The following NECAB2 variants were observed in gnomAD, a reference collection of about 807,000 sequenced individuals.
The protein encoded by NECAB2 is N-terminal EF-hand calcium-binding protein 2.
Under a neutral mutation model 51.9 loss-of-function variants are expected in NECAB2, and 68 were observed. The ratio of observed to expected loss-of-function variants is 1.31; its 90% CI spans 1.08 to 1.60. NECAB2 has a LOEUF of 1.60. Ranked by LOEUF, NECAB2 falls within the 40% of genes most tolerant of loss-of-function variation. The probability of loss-of-function intolerance (pLI) is 0.00; values close to 1 mark genes in which losing one functional copy is unlikely to be tolerated. For missense variants in NECAB2, 854 were observed against 490.3 expected (o/e 1.74, Z -7.00); for synonymous variants, 329 against 203.5 (o/e 1.62, Z -5.25).
chr16:83,989,662 C>G (rs557302650), intron 5 of NECAB2, among the ~76,000 whole-genome samples: 1 of 152,102 alleles, frequency 6.6e-6, no homozygotes. Context: ...CGTCCTTGAG[C>G]GACGTGGGTA....
rs373452423 is a variant in NECAB2, at chr16:84,002,422, G to T, written c.*76G>T. On this transcript the variant is annotated 3_prime_UTR_variant, in exon 13 of 13. Transcript: ENST00000305202. ...AGGAAATCCCGTTTTTTTCTAGACA[G>T]ACACTTTGGTGCAGAAGCTTCTTTT... The T allele has an allele frequency of 2.8e-4, 426 of 1,532,490 alleles. 2 individuals are homozygous for T. The highest frequency in any genetic ancestry group is 1.9e-3 in the Middle Eastern group (11 of 5,896). 94.9% of individuals were successfully genotyped at this position (1,532,490 alleles called of 1,614,324 possible).
chr16:84,001,429 ATGAGAAG>A (rs1436899311), intron 11 of NECAB2, among the ~76,000 whole-genome samples: 3 of 152,140 alleles, frequency 2.0e-5, no homozygotes, highest in Non-Finnish European at 4.4e-5. Context: ...AGGGGCGGTC[ATGAGAAG>A]TGAGAGTGTC....
Position 83,989,170 on chromosome 16 carries a change from C to A in NECAB2, c.460-1324C>A, listed in dbSNP as rs536318093. On this transcript the variant is annotated intron_variant, in intron 5 of 12. Coordinates refer to ENST00000305202, the MANE Select transcript of NECAB2 (RefSeq NM_019065.3). ...GTCTTCATGTCCGTTTTTGGCCATT[C>A]GCGTGTCTGGAGTCTGTTGATCACT... is the stretch of plus-strand genomic sequence containing the variant. Among the ~76,000 whole-genome samples, 410 of 152,224 alleles carry A rather than the reference C, an allele frequency of 2.7e-3. 1 individual carries two copies. Among genetic ancestry groups the A allele is most frequent in the Non-Finnish European group, 3.4e-3 (233 of 68,022 alleles).
Position 84,002,063 on chromosome 16 carries a change from G to T in NECAB2, c.1132+147G>T, listed in dbSNP as rs1423074601. The T allele has an allele frequency of 1.7e-5, 18 of 1,059,236 alleles. No individual in the cohort carries two copies. The Admixed American group carries it at 3.5e-4, about 21-fold the overall frequency. The allele number at this position is 1,059,236 out of a possible 1,614,324, so 65.6% of individuals were successfully genotyped here. On this transcript the variant is annotated intron_variant, in intron 12 of 12. Coordinates refer to ENST00000305202, the MANE Select transcript of NECAB2 (RefSeq NM_019065.3). Reference sequence around the variant, plus strand: ...GCCACCAATGCCAGGCTCAGAGCCAGCCCTGAGGTGGCCCCACATACAGGT... The same window carrying T: ...GCCACCAATGCCAGGCTCAGAGCCATCCCTGAGGTGGCCCCACATACAGGT...
At position 83,997,237 on chromosome 16, in the gene NECAB2, C is replaced by T. The variant is rs755589299; in HGVS notation, c.817C>T (p.Gln273Ter). The T allele has an allele frequency of 3.1e-6, 5 of 1,614,164 alleles. No homozygotes were observed. The highest frequency in any genetic ancestry group is 4.2e-6 in the Non-Finnish European group (5 of 1,180,028). The change falls in exon 9 of 13, where the codon CAG becomes TAG. Residue 273 changes from glutamine (Q) to a stop codon, truncating the protein, a stop_gained. Coordinates refer to ENST00000305202, the MANE Select transcript of NECAB2 (RefSeq NM_019065.3). LOFTEE classifies it high-confidence loss of function. ...ESKALWFDLQ[Q>*]RLSDEDGTNM... Reference sequence around the variant, plus strand: ...TCAGGCACTGTGGTTCGACCTGCAGCAGCGCCTGTCAGATGAAGATGGCAC... The same window carrying T: ...TCAGGCACTGTGGTTCGACCTGCAGTAGCGCCTGTCAGATGAAGATGGCAC...
At chr16:83,971,996 C>G (rs1412626579) in intron 1 of NECAB2, 155 bp from the exon 2 acceptor site, 1 of 1,006,890 alleles carries the variant, frequency 9.9e-7, no homozygotes, top group Non-Finnish European at 1.5e-6. Flanking sequence ...CCCCTGGATC[C>G]CAGCCCGGGG....
chr16:83,965,395 C>A (rs3743627), upstream of NECAB2: 7 of 1,574,488 alleles, frequency 4.4e-6, no homozygotes, highest in Middle Eastern at 1.7e-4. Flanking sequence ...CCCTGGAGGC[C>A]GCCACAAGGG....
chr16:83,994,156 C>T (rs551663333), intron 6 of NECAB2, 146 bp from the exon 7 acceptor site: 6 of 728,910 alleles, frequency 8.2e-6, no homozygotes, highest in Non-Finnish European at 1.4e-5. Flanking sequence ...TCATTTCCTC[C>T]TCTGTCAAAA....
chr16:83,985,422 C>T (rs1272900842), intron 5 of NECAB2, among the ~76,000 whole-genome samples: 1 of 147,254 alleles, frequency 6.8e-6, no homozygotes, highest in African/African-American at 2.5e-5. Context: ...ATCACAAGGT[C>T]AGGAATTCAA....
rs1215097386 is a variant in NECAB2, at chr16:83,998,302, T to G, written c.947T>G (p.Val316Gly). The G allele has an allele frequency of 1.9e-6, 3 of 1,613,458 alleles. No individual in the cohort carries two copies. Among genetic ancestry groups the G allele is most frequent in the Non-Finnish European group, 1.7e-6 (2 of 1,179,980 alleles). The change falls in exon 10 of 13, where the codon GTG (valine) becomes GGG (glycine). Residue 316 changes from valine (V) to glycine (G), a missense_variant. Physicochemically the swap from Val to Gly is moderately radical, Grantham distance 109. Coordinates refer to ENST00000305202, the MANE Select transcript of NECAB2 (RefSeq NM_019065.3). ...CAGTATCTGCGGGGGACCACTGGCG[T>G]GAGGAACTGCTTCCAGTGAGTGAGC... ...LRQYLRGTTG[V>G]RNCFHITAVR...
At chr16:83,998,506 T>C (rs7201693) in intron 10 of NECAB2, among the ~76,000 whole-genome samples, 189 bp downstream of exon 10, 28,333 of 151,964 alleles carry the variant, frequency 0.19, 5,076 homozygotes, top group African/African-American at 0.47. Flanking sequence ...ATGTGGCAGG[T>C]GTCTTCATCT....
At chr16:83,994,546 C>G (rs757501925) in intron 7 of NECAB2, 63 bp from the exon 8 acceptor site, 3 of 1,606,186 alleles carry the variant, frequency 1.9e-6, no homozygotes, top group Non-Finnish European at 2.6e-6. Context: ...ATGTTTCCAG[C>G]TTCCCCCCGA....
At chr16:83,981,198 T>C in intron 5 of NECAB2, 71 bp downstream of exon 5, 1 of 1,424,636 alleles carries the variant, frequency 7.0e-7, no homozygotes, top group Non-Finnish European at 9.8e-7. Flanking sequence ...TGCCTAAGGA[T>C]GCCTGGATTT....
intron 11 of NECAB2, among the ~76,000 whole-genome samples, chr16:84,001,057 CCTTGTCCTCCTGGAACAG>C (rs1290785055): frequency 1.3e-5 from 2 of 152,142 alleles, no homozygotes; most frequent in African/African-American, 4.8e-5. Context: ...CCCTAGAGCA[CCTTGTCCTCCTGGAACAG>C]CCCTGGGGGC....
intron 5 of NECAB2, among the ~76,000 whole-genome samples, chr16:83,984,017 A>C (rs1194129438): frequency 1.0e-5 from 1 of 96,170 alleles, no homozygotes; most frequent in Non-Finnish European, 1.9e-5. Context: ...TTTTTTTTTG[A>C]CGGAGTCTCG....
chr16:83,998,635 G>A (rs758003048), intron 10 of NECAB2, among the ~76,000 whole-genome samples: 1 of 152,224 alleles, frequency 6.6e-6, no homozygotes, highest in Non-Finnish European at 1.5e-5. Flanking sequence ...GGCTCCAGCT[G>A]GGCCTGGTGT....
In NECAB2 at chr16:83,980,910, G is replaced by A. The variant is rs199662260; in HGVS notation, c.361+46G>A. The A allele has an allele frequency of 9.8e-4, 1,579 of 1,613,364 alleles. 1 individual carries two copies. The highest frequency in any genetic ancestry group is 1.5e-3 in the Admixed American group (88 of 60,018). ...GGACCAAGATGGGGATGCTGGGATG[G>A]GGCTGGATGAGAAGGGCCTGAGGCA... On this transcript the variant is annotated intron_variant, in intron 4 of 12. Coordinates refer to ENST00000305202, the MANE Select transcript of NECAB2 (RefSeq NM_019065.3).
At position 83,994,377 on chromosome 16, in the gene NECAB2, C is replaced by A. The variant is rs766121001; in HGVS notation, c.672C>A (p.Asn224Lys). ...GCCCCACTCCCGCCTCTGCCCCCAA[C>A]CACAAGCTCATGGCTATGGAACAAG... ...CGSPTPASAP[N>K]HKLMAMEQGK... The change falls in exon 7 of 13, where the codon AAC becomes AAA. Residue 224 changes from asparagine (N) to lysine (K), a missense_variant. Physicochemically the swap from Asn to Lys is moderately conservative, Grantham distance 94. Coordinates refer to ENST00000305202, the MANE Select transcript of NECAB2 (RefSeq NM_019065.3). The A allele has an allele frequency of 4.3e-6, 7 of 1,614,200 alleles. No homozygotes were observed. The highest frequency in any genetic ancestry group is 5.9e-6 in the Non-Finnish European group (7 of 1,180,040).
At chr16:83,965,443 C>T, upstream of NECAB2, 2 of 1,594,822 alleles carry the variant, frequency 1.3e-6, no homozygotes, top group Non-Finnish European at 1.7e-6. Context: ...CTGTCCTCAT[C>T]ATTGGCGCGG....
Sources: gnomAD v4.1 joint callset for allele counts (sites outside exome capture counted in the v4.1 genomes callset) on GRCh38, gnomAD v4.1.1 for gene constraint, MANE v1.5 for transcripts, NCBI Gene and HGNC (gene_info 2026-07-23, HGNC 2026-07-21) for gene names.